ABCB5: variants seen among roughly 807,000 people sequenced by gnomAD.
ABCB5 encodes ATP binding cassette subfamily B member 5, also known as ATP-binding cassette sub-family B member 5.
A neutral mutation model predicts 144.2 loss-of-function variants in ABCB5; 155 were observed. The observed-to-expected ratio is 1.08, with a 90% CI of 0.94 to 1.23. The LOEUF (loss-of-function observed/expected upper bound fraction) is 1.23, where lower values mean the gene tolerates loss of function less well. ABCB5 is among the 50% of genes most tolerant of loss of function. The pLI is 0.00. For missense variants in ABCB5, 1,830 were observed against 1,520.8 expected, an observed-to-expected ratio of 1.20 and a Z score of -3.38; for synonymous variants, 610 against 528.6, an observed-to-expected ratio of 1.15 and a Z score of -2.11.
intron 16 of ABCB5, among the ~76,000 whole-genome samples, chr7:20,690,403 G>T (rs542094869): frequency 2.6e-5 from 4 of 152,180 alleles, no homozygotes; most frequent in Admixed American, 6.5e-5. Context: ...CAATGGAATT[G>T]GCTTTCTTGG....
chr7:20,685,311 CA>C (rs1785959054), intron 15 of ABCB5, among the ~76,000 whole-genome samples: 1 of 152,096 alleles, frequency 6.6e-6, no homozygotes, highest in Admixed American at 6.6e-5. Context: ...TATAAGTACC[CA>C]ACTAAATACT....
intron 14 of ABCB5, among the ~76,000 whole-genome samples, chr7:20,664,021 ATTT>A (rs34583056): frequency 6.1e-5 from 9 of 147,356 alleles, no homozygotes; most frequent in South Asian, 2.1e-4. Context: ...CAGTCAGGCA[ATTT>A]TTTTTTTTTT....
chr7:20,709,767 A>C (rs901835450), intron 20 of ABCB5, among the ~76,000 whole-genome samples: 4 of 149,844 alleles, frequency 2.7e-5, no homozygotes, highest in Non-Finnish European at 4.5e-5. Flanking sequence ...AACAATAGGT[A>C]AACATGACAG....
chr7:20,687,284 A>G (rs779004416), intron 16 of ABCB5, among the ~76,000 whole-genome samples: 3 of 152,256 alleles, frequency 2.0e-5, no homozygotes, highest in Non-Finnish European at 4.4e-5. Context: ...TTCAAAACCT[A>G]AGAAAGATAA....
intron 5 of ABCB5, among the ~76,000 whole-genome samples, chr7:20,640,686 G>A (rs1784277537): frequency 6.6e-6 from 1 of 152,038 alleles, no homozygotes; most frequent in Admixed American, 6.6e-5. Flanking sequence ...CAAATTTTTG[G>A]CCACTCTGTG....
At chr7:20,667,400 C>T (rs1785235614) in intron 14 of ABCB5, 6 of 985,440 alleles carry the variant, frequency 6.1e-6, no homozygotes, top group Non-Finnish European at 7.2e-6. Context: ...CCCTGTGATT[C>T]TGATTCTGTG....
chr7:20,682,381 T>G (rs573256550), intron 15 of ABCB5, among the ~76,000 whole-genome samples: 1 of 152,028 alleles, frequency 6.6e-6, no homozygotes, highest in Non-Finnish European at 1.5e-5. Flanking sequence ...AAAAGCAAGA[T>G]TGATGGGGAG....
intron 2 of ABCB5, 109 bp downstream of exon 2, chr7:20,623,447 A>T (rs77363367): frequency 0.13 from 109,628 of 858,202 alleles, 8,483 homozygotes; most frequent in Non-Finnish European, 0.15. Context: ...AAATAGCAAC[A>T]CTATTTGCAT....
rs1265508172 is a variant in ABCB5, at chr7:20,650,214, AGC to A, written c.1332+68_1332+69del. 1.9e-6 allele frequency: 3 copies of A among 1,566,138 alleles called. No individual in the cohort carries two copies. In the African/African-American group the frequency reaches 4.1e-5, roughly 21 times the overall value. On this transcript the variant is annotated intron_variant, in intron 12 of 27. Transcript: ENST00000404938. ...AATCTGGAAACACCGCAGGGCTGGC[AGC>A]TCTGTAACTTTTCATTTTCAACAGT...
intron 23 of ABCB5, among the ~76,000 whole-genome samples, chr7:20,733,479 G>A (rs1276105625): frequency 1.3e-5 from 2 of 151,810 alleles, no homozygotes; most frequent in African/African-American, 4.8e-5. Flanking sequence ...AGATACATAA[G>A]CATTTTAACT....
intron 9 of ABCB5, chr7:20,647,171 A>G (rs1784430098): frequency 2.0e-6 from 1 of 491,284 alleles, no homozygotes; most frequent in African/African-American, 2.1e-5. Flanking sequence ...GGGTCACCCA[A>G]CAAGGAGGGG....
At chr7:20,753,672 T>C (rs541291665) in intron 27 of ABCB5, among the ~76,000 whole-genome samples, 166 bp downstream of exon 27, 61 of 152,166 alleles carry the variant, frequency 4.0e-4, no homozygotes, top group Middle Eastern at 6.8e-3. Flanking sequence ...GGTCAGTAGG[T>C]GGTGGGGAGG....
At position 20,738,972 on chromosome 7, in the gene ABCB5, T is replaced by C. The variant is rs752601054; in HGVS notation, c.2868-11T>C. On this transcript the variant is annotated splice_polypyrimidine_tract_variant and intron_variant, in intron 23 of 27. Coordinates refer to ENST00000404938, the MANE Select transcript of ABCB5 (RefSeq NM_001163941.2). Reference sequence around the variant, plus strand: ...ATGGACCTAAGATTCAAATGCTTTATCTTTTGATAGAGTTTTTACTGCAAT... The same window carrying C: ...ATGGACCTAAGATTCAAATGCTTTACCTTTTGATAGAGTTTTTACTGCAAT... The C allele has an allele frequency of 6.3e-7, 1 of 1,580,624 alleles. No homozygotes were observed. Among genetic ancestry groups the C allele is most frequent in the Admixed American group, 1.9e-5 (1 of 53,856 alleles).
intron 14 of ABCB5, among the ~76,000 whole-genome samples, chr7:20,668,496 G>C (rs1437291406): frequency 2.0e-5 from 3 of 151,588 alleles, no homozygotes; most frequent in African/African-American, 2.4e-5. Flanking sequence ...CAACCGCCCC[G>C]TCTGAGAAGT....
intron 27 of ABCB5, among the ~76,000 whole-genome samples, chr7:20,754,309 A>C (rs929968374): frequency 3.9e-5 from 6 of 152,222 alleles, no homozygotes; most frequent in African/African-American, 1.4e-4. Flanking sequence ...GATGATTATT[A>C]TTCTTGATTC....
chr7:20,678,008 TC>T (rs1785670644), intron 14 of ABCB5, among the ~76,000 whole-genome samples: 1 of 152,120 alleles, frequency 6.6e-6, no homozygotes, highest in African/African-American at 2.4e-5. Flanking sequence ...CCCTTCTAAA[TC>T]TTTCTTACTT....
At chr7:20,673,645 G>T (rs1785519712) in intron 14 of ABCB5, among the ~76,000 whole-genome samples, 1 of 151,678 alleles carries the variant, frequency 6.6e-6, no homozygotes, top group East Asian at 1.9e-4. Context: ...TAACCTCTTT[G>T]TTTCTTTATA....
intron 14 of ABCB5, among the ~76,000 whole-genome samples, chr7:20,678,904 G>C (rs1785695555): frequency 6.6e-6 from 1 of 152,084 alleles, no homozygotes; most frequent in African/African-American, 2.4e-5. Flanking sequence ...TACGCTGCCG[G>C]GACACCTGGT....
intron 23 of ABCB5, among the ~76,000 whole-genome samples, chr7:20,737,504 T>C (rs1782424537): frequency 6.6e-6 from 1 of 152,230 alleles, no homozygotes; most frequent in Non-Finnish European, 1.5e-5. Context: ...TAGACATTTA[T>C]GTCTAATGCT....
Sources: allele counts gnomAD v4.1 joint callset (sites outside exome capture counted in the v4.1 genomes callset), GRCh38; gene constraint gnomAD v4.1.1; transcripts MANE v1.5; gene names NCBI Gene and HGNC (gene_info 2026-07-23, HGNC 2026-07-21).